HEPHL1: variants seen among roughly 807,000 people sequenced by gnomAD.
HEPHL1 encodes hephaestin like 1.
A neutral mutation model predicts 122.0 loss-of-function variants in HEPHL1; 123 were observed. The ratio of observed to expected loss-of-function variants is 1.01; its 90% CI spans 0.87 to 1.17. The LOEUF is 1.17. Ranked by LOEUF, HEPHL1 falls within the 50% of genes most tolerant of loss-of-function variation. The pLI is 0.00. For synonymous variants in HEPHL1, 527 were observed against 508.9 expected (o/e 1.04, Z -0.48); for missense variants, 1,452 against 1,430.5 (o/e 1.01, Z -0.24).
chr11:94,038,662 G>C (rs1228577011), intron 1 of HEPHL1, among the ~76,000 whole-genome samples: 1 of 113,678 alleles, frequency 8.8e-6, no homozygotes, highest in Non-Finnish European at 1.8e-5. Flanking sequence ...TTACAGACAA[G>C]CAAATGCTGA....
intron 1 of HEPHL1, among the ~76,000 whole-genome samples, chr11:94,024,579 AT>A (rs1278377312): frequency 1.3e-5 from 2 of 151,948 alleles, no homozygotes; most frequent in Non-Finnish European, 2.9e-5. Flanking sequence ...TTCTTTCTCC[AT>A]TTTTTCCCCT....
chr11:94,060,351 G>T (rs1945977587), intron 2 of HEPHL1, among the ~76,000 whole-genome samples: 2 of 150,996 alleles, frequency 1.3e-5, no homozygotes, highest in African/African-American at 4.9e-5. Context: ...ATATATATAT[G>T]GTGTGTGTGT....
intron 16 of HEPHL1, among the ~76,000 whole-genome samples, chr11:94,105,363 T>C (rs1946399875): frequency 6.6e-6 from 1 of 152,188 alleles, no homozygotes; most frequent in Non-Finnish European, 1.5e-5. Flanking sequence ...CAGTTTTGCT[T>C]TCTTCTCCTA....
intron 2 of HEPHL1, among the ~76,000 whole-genome samples, chr11:94,048,684 C>T (rs565348305): frequency 1.6e-3 from 246 of 152,250 alleles, no homozygotes; most frequent in Admixed American, 4.4e-3. Context: ...TTTGAACCCA[C>T]TTTTAAGAGG....
intron 6 of HEPHL1, among the ~76,000 whole-genome samples, chr11:94,071,236 A>G (rs919815822): frequency 2.0e-5 from 3 of 152,296 alleles, no homozygotes; most frequent in African/African-American, 7.2e-5. Flanking sequence ...AAAAATGTAC[A>G]GTGTGATATC....
chr11:94,026,848 G>C (rs1456100147), intron 1 of HEPHL1, among the ~76,000 whole-genome samples: 1 of 152,202 alleles, frequency 6.6e-6, no homozygotes, highest in Admixed American at 6.5e-5. Flanking sequence ...TTATGGGCAA[G>C]TAATTCAATC....
chr11:94,051,438 A>AT (rs1945889792), intron 2 of HEPHL1, among the ~76,000 whole-genome samples: 1 of 152,080 alleles, frequency 6.6e-6, no homozygotes, highest in Non-Finnish European at 1.5e-5. Context: ...CCTGTTTACC[A>AT]TTTGTATGTC....
At chr11:94,100,208 C>T (rs1243277673) in intron 13 of HEPHL1, among the ~76,000 whole-genome samples, 1 of 152,110 alleles carries the variant, frequency 6.6e-6, no homozygotes, top group Non-Finnish European at 1.5e-5. Context: ...AATAACCGTC[C>T]AACAAATTTT....
intron 14 of HEPHL1, 65 bp from the exon 15 acceptor site, chr11:94,102,849 T>C: frequency 1.2e-6 from 1 of 811,558 alleles, no homozygotes; most frequent in Admixed American, 2.1e-5. Context: ...TGCTTATATT[T>C]CTTCAGATAA....
chr11:94,044,922 G>T (rs935245213), intron 1 of HEPHL1, among the ~76,000 whole-genome samples: 6 of 151,476 alleles, frequency 4.0e-5, no homozygotes, highest in Non-Finnish European at 4.4e-5. Context: ...ACTATGCCTG[G>T]CTATTTTTTT....
chr11:94,075,114 T>C (rs1409401668), intron 8 of HEPHL1, 60 bp from the exon 9 acceptor site: 3 of 1,456,806 alleles, frequency 2.1e-6, no homozygotes, highest in African/African-American at 1.4e-5. Context: ...GAAGACCCAG[T>C]CTGACCAATG....
chr11:94,075,348 T>C lies in HEPHL1; in HGVS notation c.1679T>C (p.Val560Ala), dbSNP rs778334895. 3 of 1,613,134 alleles carry C rather than the reference T, an allele frequency of 1.9e-6. No individual in the cohort carries two copies. In the African/African-American group the frequency reaches 4.0e-5, roughly 22 times the overall value. ...TCTGGCCTGGTAGGGCCTTTGCTAG[T>C]CTGTAAAAAGGGCGTCCTCAATGCT... is the stretch of plus-strand genomic sequence containing the variant. ...TSSGLVGPLL[V>A]CKKGVLNADG... The change falls in exon 9 of 20, where the codon GTC (valine) becomes GCC (alanine). Residue 560 changes from valine to alanine, a missense_variant. Physicochemically the swap from Val to Ala is moderately conservative, Grantham distance 64. Transcript: ENST00000315765.
chr11:94,056,124 G>A (rs754305871), intron 2 of HEPHL1, among the ~76,000 whole-genome samples: 27 of 152,060 alleles, frequency 1.8e-4, no homozygotes, highest in Non-Finnish European at 3.1e-4. Context: ...CTTTTATCGC[G>A]ACAAAATATC....
chr11:94,051,888 A>C (rs1945892867), intron 2 of HEPHL1, among the ~76,000 whole-genome samples: 2 of 152,114 alleles, frequency 1.3e-5, no homozygotes, highest in South Asian at 4.1e-4. Flanking sequence ...CCATTTATTG[A>C]AGAGACTGTC....
chr11:94,035,565 A>G (rs899332532), intron 1 of HEPHL1, among the ~76,000 whole-genome samples: 14 of 152,094 alleles, frequency 9.2e-5, no homozygotes, highest in East Asian at 1.9e-4. Flanking sequence ...ACACATGTAT[A>G]CATGTGCCAT....
At chr11:94,026,080 C>T (rs1169095641) in intron 1 of HEPHL1, among the ~76,000 whole-genome samples, 1 of 152,192 alleles carries the variant, frequency 6.6e-6, no homozygotes, top group East Asian at 1.9e-4. Context: ...CAGGGGCTTT[C>T]TGTATTTCTG....
chr11:94,091,296 T>A (rs1361924910), intron 12 of HEPHL1, among the ~76,000 whole-genome samples: 1 of 152,192 alleles, frequency 6.6e-6, no homozygotes, highest in Admixed American at 6.5e-5. Context: ...GACATGTGCT[T>A]TACAGATACT....
chr11:94,070,351 C>T (rs774551338), intron 5 of HEPHL1, 23 bp from the exon 6 acceptor site: 21 of 1,566,128 alleles, frequency 1.3e-5, no homozygotes, highest in South Asian at 2.4e-5. Flanking sequence ...TGCCTCAGCT[C>T]GTGGTTTTCC....
chr11:94,095,276 G>C (rs997894612), intron 13 of HEPHL1, among the ~76,000 whole-genome samples: 2 of 152,228 alleles, frequency 1.3e-5, no homozygotes, highest in Non-Finnish European at 2.9e-5. Context: ...TCTTGTTTTT[G>C]TCAGGTTTGT....
Sources: gnomAD v4.1 joint callset for allele counts (sites outside exome capture counted in the v4.1 genomes callset) on GRCh38, gnomAD v4.1.1 for gene constraint, MANE v1.5 for transcripts, NCBI Gene and HGNC (gene_info 2026-07-23, HGNC 2026-07-21) for gene names.